Variants in PCYT2 observed in about 807,000 individuals in gnomAD.
PCYT2 encodes the protein ethanolamine-phosphate cytidylyltransferase.
Under a neutral mutation model 50.0 loss-of-function variants are expected in PCYT2, and 33 were observed. That is an observed-to-expected ratio of 0.66 (90% CI 0.50 to 0.88). The LOEUF (loss-of-function observed/expected upper bound fraction) is 0.88. Among genes scored for constraint, PCYT2 ranks in the 40% least tolerant of loss-of-function variants. The probability of loss-of-function intolerance (pLI) is 0.00; values close to 1 mark genes in which losing one functional copy is unlikely to be tolerated. For missense variants in PCYT2, 430 were observed against 519.7 expected (o/e 0.83, Z 1.68); for synonymous variants, 240 against 203.7 (o/e 1.18, Z -1.52).
Position 81,902,309 on chromosome 17 carries a change from C to G in PCYT2, c.*2524G>C. On this transcript the variant is annotated 3_prime_UTR_variant, in exon 13 of 13. Transcript: ENST00000538936. ...CGGTCCGCGACACTGGCGGCCGCCG[C>G]CCTGGCGCTGTGCCTGCTGCTGGCG... 1 of 1,333,926 alleles carries G rather than the reference C, an allele frequency of 7.5e-7. No individual in the cohort carries two copies. The highest frequency in any genetic ancestry group is 9.5e-7 in the Non-Finnish European group (1 of 1,049,094). 82.6% of individuals were successfully genotyped at this position (1,333,926 alleles called of 1,614,324 possible).
intron 3 of PCYT2, 87 bp from the exon 4 acceptor site, chr17:81,908,721 C>G: frequency 3.0e-6 from 4 of 1,353,904 alleles, no homozygotes; most frequent in Non-Finnish European, 4.2e-6. Context: ...CCCTGGCCTG[C>G]CCTAGTGTCC....
At chr17:81,906,738 G>A in intron 7 of PCYT2, 22 bp downstream of exon 7, 4 of 1,610,930 alleles carry the variant, frequency 2.5e-6, no homozygotes, top group Non-Finnish European at 3.4e-6. Flanking sequence ...ATGTAGGGGA[G>A]CAGCAGAGGC....
chr17:81,908,660 G>A lies in PCYT2; in HGVS notation c.341-26C>T, dbSNP rs891101432. The stretch of plus-strand genomic sequence containing the variant: ...CTAAGCAGTGACACACAAGGACAAG[G>A]ATCCTTAACCCAAAGCCACCAGAAC... On this transcript the variant is annotated intron_variant, in intron 3 of 12. Coordinates refer to ENST00000538936, the MANE Select transcript of PCYT2 (RefSeq NM_002861.5). 3 of 1,596,898 alleles carry A rather than the reference G, an allele frequency of 1.9e-6. No individual in the cohort carries two copies. The African/African-American group carries it at 4.0e-5, about 21-fold the overall frequency.
At position 81,901,368 on chromosome 17, in the gene PCYT2, T is replaced by A. The variant is rs1008651298; in HGVS notation, c.*3465A>T. Reference sequence around the variant, plus strand: ...CAGCCCACTGACTCAAATGGGAATCTCCTCTGGCAACACCCTCACAGACAC... The same window carrying A: ...CAGCCCACTGACTCAAATGGGAATCACCTCTGGCAACACCCTCACAGACAC... On this transcript the variant is annotated 3_prime_UTR_variant, in exon 13 of 13. Transcript: ENST00000538936. The A allele has an allele frequency of 1.2e-4, 18 of 152,046 alleles. No individual in the cohort carries two copies. Among genetic ancestry groups the A allele is most frequent in the African/African-American group, 4.1e-4 (17 of 41,414 alleles). 9.4% of individuals were successfully genotyped at this position (152,046 alleles called of 1,614,324 possible).
rs1032020333 is a variant in PCYT2 at position 81,902,540 on chromosome 17, G to A, written c.*2293C>T. Reference sequence around the variant, plus strand: ...CTGCGGAGCCTCGTGAGTCCGGCGTGCCGGGGACTGATGGGGGGCGGCGGC... The same window carrying A: ...CTGCGGAGCCTCGTGAGTCCGGCGTACCGGGGACTGATGGGGGGCGGCGGC... On this transcript the variant is annotated 3_prime_UTR_variant, in exon 13 of 13. Coordinates refer to ENST00000538936, the MANE Select transcript of PCYT2 (RefSeq NM_002861.5). 1.4e-6 allele frequency: 2 copies of A among 1,479,366 alleles called. No homozygotes were observed. Among genetic ancestry groups the A allele is most frequent in the South Asian group, 1.3e-5 (1 of 78,402 alleles). 91.6% of individuals were successfully genotyped at this position (1,479,366 alleles called of 1,614,324 possible).
intron 2 of PCYT2, 182 bp from the exon 3 acceptor site, chr17:81,909,219 C>G: frequency 7.0e-7 from 1 of 1,434,322 alleles, no homozygotes; most frequent in Non-Finnish European, 9.1e-7. Flanking sequence ...CTGCGAGGGT[C>G]TCAGGCAAAG....
At position 81,903,018 on chromosome 17, in the gene PCYT2, C is replaced by T. The variant is rs893750792; in HGVS notation, c.*1815G>A. The T allele has an allele frequency of 9.2e-5, 44 of 479,022 alleles. No individual in the cohort carries two copies. Among genetic ancestry groups the T allele is most frequent in the Non-Finnish European group, 1.5e-4 (41 of 273,472 alleles). The allele number at this position is 479,022 out of a possible 1,614,324, so 29.7% of individuals were successfully genotyped here. On this transcript the variant is annotated 3_prime_UTR_variant, in exon 13 of 13. Coordinates refer to ENST00000538936, the MANE Select transcript of PCYT2 (RefSeq NM_002861.5). ...TGTGCGGCGGCAGGGCAAGGTTGGC[C>T]TGGGCCGCCCAGAGGTCTTCAGACC...
At position 81,902,808 on chromosome 17, in the gene PCYT2, C is replaced by T. The variant is rs2040014736; in HGVS notation, c.*2025G>A. 2.7e-6 allele frequency: 4 copies of T among 1,483,876 alleles called. No individual in the cohort carries two copies. Among genetic ancestry groups the T allele is most frequent in the East Asian group, 2.5e-5 (1 of 40,294 alleles). The allele number at this position is 1,483,876 out of a possible 1,614,324, so 91.9% of individuals were successfully genotyped here. A position where few individuals can be genotyped will look rare whatever the true frequency, so the allele number is the denominator to read the frequency against. On this transcript the variant is annotated 3_prime_UTR_variant, in exon 13 of 13. Transcript: ENST00000538936. The stretch of plus-strand genomic sequence containing the variant: ...CGCCCCCACCGTCCCACTCGGTGAC[C>T]CCAGGCCCCTCCGGCGCGGGATGGC...
intron 1 of PCYT2, chr17:81,910,830 G>C: frequency 1.1e-6 from 1 of 950,836 alleles, no homozygotes; most frequent in East Asian, 1.2e-4. Flanking sequence ...TTCTAGCCCC[G>C]CGGAGGAGGA....
chr17:81,906,599 T>G (rs892516484), intron 7 of PCYT2, 53 bp from the exon 8 acceptor site: 1 of 1,582,482 alleles, frequency 6.3e-7, no homozygotes. Flanking sequence ...AGCAGCTCCC[T>G]GACAGCTCAT....
At chr17:81,910,907 G>A in intron 1 of PCYT2, 1 of 987,956 alleles carries the variant, frequency 1.0e-6, no homozygotes, top group Non-Finnish European at 1.2e-6. Context: ...CCACCTACAG[G>A]GACGCTCGCC....
intron 6 of PCYT2, 170 bp downstream of exon 6, chr17:81,907,384 C>G: frequency 8.6e-7 from 1 of 1,167,630 alleles, no homozygotes. Flanking sequence ...CCCTCCCTCC[C>G]AGCATCCACC....
Position 81,905,127 on chromosome 17 carries a change from G to T in PCYT2, c.997C>A (p.Gln333Lys), listed in dbSNP as rs768333290. 24 of 1,613,334 alleles carry T rather than the reference G, an allele frequency of 1.5e-5. No individual in the cohort carries two copies. Among genetic ancestry groups the T allele is most frequent in the Non-Finnish European group, 1.7e-5 (20 of 1,179,894 alleles). ...GTGAGGTTGCTGCCACTGTCAATCT[G>T]ACGGAAGATGCCCCTTCTCTTGGGC... ...QEPKRRGIFR[Q>K]IDSGSNLTTD... The change falls in exon 12 of 13, where the codon CAG (glutamine) becomes AAG (lysine). Residue 333 changes from glutamine to lysine, a missense_variant. By Grantham distance (53) the Gln-to-Lys change is moderately conservative (BLOSUM62 1). Transcript: ENST00000538936.
intron 6 of PCYT2, 81 bp from the exon 7 acceptor site, chr17:81,906,979 T>G: frequency 6.9e-7 from 1 of 1,457,626 alleles, no homozygotes; most frequent in Non-Finnish European, 9.4e-7. Context: ...CCCTCAGCTG[T>G]CACCTGCCAG....
Position 81,907,842 on chromosome 17 carries a change from C to A in PCYT2, c.423G>T (p.Thr141=), listed in dbSNP as rs1177631610. 6.2e-7 allele frequency: 1 copy of A among 1,610,206 alleles called. No homozygotes were observed. Among genetic ancestry groups the A allele is most frequent in the South Asian group, 1.1e-5 (1 of 90,690 alleles). ...CGAGGTCTGTGGTGGACACCCCTTG[C>A]GTGCGCTTGCATTCTCTGGGGGACA... ...QAGRYRECKR[T]QGVSTTDLVG... is the part of the protein sequence containing the mutation. The change falls in exon 5 of 13, where the codon ACG becomes ACT. Residue 141 remains threonine (T), a synonymous_variant. Coordinates refer to ENST00000538936, the MANE Select transcript of PCYT2 (RefSeq NM_002861.5).
chr17:81,902,767 A>G lies in PCYT2; in HGVS notation c.*2066T>C, dbSNP rs1000430804. On this transcript the variant is annotated 3_prime_UTR_variant, in exon 13 of 13. Coordinates refer to ENST00000538936, the MANE Select transcript of PCYT2 (RefSeq NM_002861.5). ...CGCCTGAGCCCGGACCTCTCCTGGC[A>G]CCGCTGGGGGCCCCCCGCCCCCACC... 1.6e-5 allele frequency: 25 copies of G among 1,591,394 alleles called. No individual in the cohort carries two copies. The highest frequency in any genetic ancestry group is 2.1e-5 in the Non-Finnish European group (25 of 1,171,362).
rs764972529 is a variant in PCYT2, at chr17:81,906,514, G to A, written c.709C>T (p.His237Tyr). The A allele has an allele frequency of 1.9e-6, 3 of 1,613,576 alleles. No individual in the cohort carries two copies. The highest frequency in any genetic ancestry group is 1.1e-5 in the South Asian group (1 of 91,090). Residue 237 changes from histidine (H) to tyrosine (Y), a missense_variant, in exon 8 of 13, where the codon CAC becomes TAC. Physicochemically the swap from His to Tyr is moderately conservative, Grantham distance 83. This residue lies in a region of PCYT2 where 248 missense variants were observed against 300.2 expected (regional missense o/e 0.83). Coordinates refer to ENST00000538936, the MANE Select transcript of PCYT2 (RefSeq NM_002861.5). Reference protein sequence around the residue: ...IGHVDFLEKVHRLAERPYIIA... With the variant: ...IGHVDFLEKVYRLAERPYIIA... ...ATGTAGGGCCTCTCTGCCAGCCTGT[G>A]CACCTTCTCCAGGAAGTCCACATGC...
At chr17:81,904,970 G>C in intron 12 of PCYT2, 26 bp from the exon 13 acceptor site, 1 of 1,598,320 alleles carries the variant, frequency 6.3e-7, no homozygotes, top group Non-Finnish European at 8.5e-7. Flanking sequence ...AAGTCTAGCA[G>C]AGAGCGCCCA....
At chr17:81,909,237 T>C (rs535073893) in intron 2 of PCYT2, 200 bp from the exon 3 acceptor site, 1 of 1,430,724 alleles carries the variant, frequency 7.0e-7, no homozygotes, top group Admixed American at 2.9e-5. Context: ...AAGGCAGAGA[T>C]TCCTTCTGAC....
Sources: gnomAD v4.1 joint callset for allele counts on GRCh38, gnomAD v4.1.1 for gene constraint, gnomAD v4.1.1 regional missense constraint, MANE v1.5 for transcripts, NCBI Gene and HGNC (gene_info 2026-07-23, HGNC 2026-07-21) for gene names.